Variants in FAM107A observed in about 807,000 individuals in gnomAD.
FAM107A encodes family with sequence similarity 107 member A.
FAM107A carries 19 observed loss-of-function variants against 13.7 expected under a neutral mutation model. The ratio of observed to expected loss-of-function variants is 1.38; its 90% CI spans 0.97 to 2.03. FAM107A has a LOEUF of 2.03. FAM107A is among the 30% of genes most tolerant of loss of function. The pLI is 0.00. For synonymous variants in FAM107A, 82 were observed against 74.5 expected, an observed-to-expected ratio of 1.10 and a Z score of -0.52; for missense variants, 203 against 184.4, an observed-to-expected ratio of 1.10 and a Z score of -0.58.
intron 1 of FAM107A, among the ~76,000 whole-genome samples, chr3:58,600,429 AC>A (rs1384592377): frequency 2.0e-5 from 3 of 152,080 alleles, no homozygotes; most frequent in Non-Finnish European, 4.4e-5. Context: ...ATCTTAACTA[AC>A]CCCTGCAACA....
At chr3:58,570,623 GAGAGAGAGAGAGAA>G (rs1559474882) in intron 1 of FAM107A, among the ~76,000 whole-genome samples, 11 of 119,814 alleles carry the variant, frequency 9.2e-5, no homozygotes, top group South Asian at 2.8e-4. Context: ...GAGAGAGAGA[GAGAGAGAGAGAGAA>G]AGAGACTGAC....
intron 1 of FAM107A, among the ~76,000 whole-genome samples, chr3:58,571,230 G>A (rs1274018896): frequency 2.6e-5 from 4 of 152,204 alleles, no homozygotes; most frequent in South Asian, 2.1e-4. Context: ...CACCAGACCC[G>A]TGTTTGGCAT....
chr3:58,620,449 AT>A (rs1256980094), intron 1 of FAM107A, among the ~76,000 whole-genome samples: 1 of 152,190 alleles, frequency 6.6e-6, no homozygotes, highest in African/African-American at 2.4e-5. Flanking sequence ...CCATATAGAT[AT>A]TTGAGATCCA....
intron 1 of FAM107A, among the ~76,000 whole-genome samples, chr3:58,596,762 A>G (rs2065711286): frequency 6.6e-6 from 1 of 152,084 alleles, no homozygotes; most frequent in African/African-American, 2.4e-5. Flanking sequence ...ACACATAACC[A>G]CCTCCAAGAT....
At chr3:58,582,414 C>G, upstream of FAM107A, among the ~76,000 whole-genome samples, 1 of 152,186 alleles carries the variant, frequency 6.6e-6, no homozygotes, top group East Asian at 1.9e-4. Context: ...GTCCATAGTG[C>G]AGAGAGATGC....
intron 1 of FAM107A, among the ~76,000 whole-genome samples, chr3:58,586,704 A>G (rs1040440932): frequency 2.0e-5 from 3 of 152,242 alleles, no homozygotes; most frequent in Non-Finnish European, 4.4e-5. Flanking sequence ...TCACAAACAA[A>G]CAAAAAAGCA....
At chr3:58,579,355 C>T (rs1358176620), upstream of FAM107A, among the ~76,000 whole-genome samples, 1 of 152,106 alleles carries the variant, frequency 6.6e-6, no homozygotes, top group Non-Finnish European at 1.5e-5. Flanking sequence ...TCTCGAGCCA[C>T]TTAAACTAAG....
chr3:58,619,968 A>T (rs746335724), intron 1 of FAM107A, among the ~76,000 whole-genome samples: 2 of 152,026 alleles, frequency 1.3e-5, no homozygotes, highest in Non-Finnish European at 2.9e-5. Context: ...AAACTGAGGG[A>T]TTCAGTCTAT....
At chr3:58,603,938 T>G (rs2108072900) in intron 1 of FAM107A, among the ~76,000 whole-genome samples, 1 of 152,328 alleles carries the variant, frequency 6.6e-6, no homozygotes. Flanking sequence ...GAGCTCCTGT[T>G]GGAAGACCAT....
upstream of FAM107A, among the ~76,000 whole-genome samples, chr3:58,588,774 C>T (rs1437748081): frequency 6.6e-6 from 1 of 152,126 alleles, no homozygotes; most frequent in African/African-American, 2.4e-5. Context: ...ATTCTCCTGC[C>T]TCAGCCTCCC....
chr3:58,625,332 C>A (rs1418010476), intron 1 of FAM107A, among the ~76,000 whole-genome samples: 7 of 152,164 alleles, frequency 4.6e-5, no homozygotes, highest in Non-Finnish European at 1.0e-4. Flanking sequence ...AGACTCCATG[C>A]TGATTTCAAC....
At chr3:58,609,428 T>C (rs1332428929) in intron 1 of FAM107A, among the ~76,000 whole-genome samples, 5 of 152,168 alleles carry the variant, frequency 3.3e-5, no homozygotes, top group Non-Finnish European at 7.3e-5. Context: ...CTTCCTCAAT[T>C]AAGATAATTA....
upstream of FAM107A, among the ~76,000 whole-genome samples, chr3:58,582,673 G>A (rs1467698764): frequency 6.6e-6 from 1 of 152,188 alleles, no homozygotes; most frequent in Non-Finnish European, 1.5e-5. Context: ...CCTAAAATGG[G>A]GCAGACGTGT....
chr3:58,593,740 G>A (rs62257884), intron 1 of FAM107A, among the ~76,000 whole-genome samples: 7,345 of 151,936 alleles, frequency 0.048, 202 homozygotes, highest in Non-Finnish European at 0.059. Flanking sequence ...TAGCATTTCC[G>A]TTTCTTCCTG....
At chr3:58,625,515 A>G (rs1559489886) in intron 1 of FAM107A, among the ~76,000 whole-genome samples, 1 of 152,238 alleles carries the variant, frequency 6.6e-6, no homozygotes, top group African/African-American at 2.4e-5. Flanking sequence ...CCACCCTCAG[A>G]TCACACTAAG....
chr3:58,598,883 GT>G lies in FAM107A; in HGVS notation c.-69-9615del, dbSNP rs949707444. Among the ~76,000 whole-genome samples the G allele has an allele frequency of 6.7e-5, 10 of 149,372 alleles. No homozygotes were observed. In the South Asian group the frequency reaches 8.5e-4, roughly 13 times the overall value. On this transcript the variant is annotated intron_variant, in intron 1 of 3. Transcript: ENST00000465970. ...GTAAACCACAGTGTGATGCCCCATG[GT>G]TTTTTTTTTAAACCATTACGCTTTA... is the stretch of plus-strand genomic sequence containing the variant.
intron 1 of FAM107A, among the ~76,000 whole-genome samples, chr3:58,571,034 G>T (rs2063678415): frequency 6.6e-6 from 1 of 152,222 alleles, no homozygotes; most frequent in Admixed American, 6.5e-5. Flanking sequence ...CTGGGAAGGG[G>T]ATGAGAACCA....
intron 1 of FAM107A, among the ~76,000 whole-genome samples, chr3:58,598,495 C>T (rs951179898): frequency 6.6e-6 from 1 of 152,188 alleles, no homozygotes; most frequent in Non-Finnish European, 1.5e-5. Flanking sequence ...GGGTGGGAGC[C>T]ACCCACCCCC....
chr3:58,620,415 G>T (rs1340612522), intron 1 of FAM107A, among the ~76,000 whole-genome samples: 1 of 152,200 alleles, frequency 6.6e-6, no homozygotes, highest in Non-Finnish European at 1.5e-5. Context: ...CCCTGTTCTT[G>T]TCCACTTATC....
Sources: allele counts gnomAD v4.1 joint callset (sites outside exome capture counted in the v4.1 genomes callset), GRCh38; gene constraint gnomAD v4.1.1; transcripts MANE v1.5; gene names NCBI Gene and HGNC (gene_info 2026-07-23, HGNC 2026-07-21).